Variants in PREX1 observed in about 807,000 individuals in gnomAD.
PREX1 encodes phosphatidylinositol 3,4,5-trisphosphate-dependent Rac exchanger 1 protein.
A neutral mutation model predicts 198.3 loss-of-function variants in PREX1; 41 were observed. The observed-to-expected ratio is 0.21, with a 90% CI of 0.16 to 0.27. The LOEUF (loss-of-function observed/expected upper bound fraction) is 0.27, where lower values mean the gene tolerates loss of function less well. Among genes scored for constraint, PREX1 ranks in the 10% least tolerant of loss-of-function variants. PREX1 has a pLI of 1.00. For missense variants in PREX1, 1,620 were observed against 2,200.7 expected, an observed-to-expected ratio of 0.74 and a Z score of 5.28; for synonymous variants, 843 against 887.2, an observed-to-expected ratio of 0.95 and a Z score of 0.89.
chr20:48,632,222 A>G (rs1338240684), intron 35 of PREX1, 55 bp downstream of exon 35: 2 of 1,545,972 alleles, frequency 1.3e-6, no homozygotes, highest in African/African-American at 1.4e-5. Flanking sequence ...GCTAATGCCC[A>G]CTCCACGTGG....
chr20:48,690,879 G>GC, intron 9 of PREX1, 68 bp downstream of exon 9: 1 of 1,601,176 alleles, frequency 6.2e-7, no homozygotes, highest in Non-Finnish European at 8.5e-7. Context: ...CCTAGACACA[G>GC]CCCCCACTCA....
the PREX1 span, among the ~76,000 whole-genome samples, chr20:48,840,719 C>T: frequency 6.6e-6 from 1 of 152,218 alleles, no homozygotes; most frequent in Non-Finnish European, 1.5e-5. Flanking sequence ...TTGGCACAGC[C>T]TTTAAGGCTG....
chr20:48,828,128 G>A (rs567238947), upstream of PREX1, among the ~76,000 whole-genome samples: 88 of 149,758 alleles, frequency 5.9e-4, no homozygotes, highest in East Asian at 0.014. Flanking sequence ...TCTGCCAAGT[G>A]CCACGCCGCG....
At chr20:48,869,212 C>T in the PREX1 span, among the ~76,000 whole-genome samples, 7 of 152,052 alleles carry the variant, frequency 4.6e-5, no homozygotes, top group African/African-American at 1.7e-4. Context: ...TATATGTATC[C>T]TCATTATTTT....
chr20:48,743,920 G>A (rs2090094475), intron 3 of PREX1, among the ~76,000 whole-genome samples: 1 of 152,136 alleles, frequency 6.6e-6, no homozygotes, highest in South Asian at 2.1e-4. Flanking sequence ...GCCCTCTGAG[G>A]GCAAAGTCAC....
rs1175214963 is a variant in PREX1, at chr20:48,806,241, A to G, written c.219+21401T>C. Among the ~76,000 whole-genome samples, 4 of 152,310 alleles carry G rather than the reference A, an allele frequency of 2.6e-5. No homozygotes were observed. The East Asian group carries it at 7.7e-4, about 29-fold the overall frequency. On this transcript the variant is annotated intron_variant, in intron 1 of 39. Transcript: ENST00000371941. ...ACTGTTCTAAGCCCACCAGAACATC[A>G]GCTCCAGGAGGACAAAGATCTTTGT...
chr20:48,777,774 G>A (rs185807891), intron 1 of PREX1, among the ~76,000 whole-genome samples: 4 of 152,308 alleles, frequency 2.6e-5, no homozygotes, highest in East Asian at 1.9e-4. Context: ...AAAGACCTGC[G>A]GAGAGGCTGT....
chr20:48,866,086 C>T, the PREX1 span, among the ~76,000 whole-genome samples: 1 of 151,968 alleles, frequency 6.6e-6, no homozygotes, highest in Non-Finnish European at 1.5e-5. Context: ...GAAGCTGGGA[C>T]TACAAGTGTG....
intron 1 of PREX1, among the ~76,000 whole-genome samples, chr20:48,790,708 A>T (rs575575428): frequency 6.6e-6 from 1 of 152,130 alleles, no homozygotes; most frequent in Non-Finnish European, 1.5e-5. Flanking sequence ...GCCCTAGAGG[A>T]AGCCTGGCTG....
intron 1 of PREX1, among the ~76,000 whole-genome samples, chr20:48,822,379 C>T (rs2090490027): frequency 6.6e-6 from 1 of 152,238 alleles, no homozygotes. Flanking sequence ...GCCGCATTAC[C>T]TGGGTCCAAG....
intron 15 of PREX1, 130 bp from the exon 16 acceptor site, chr20:48,660,191 A>T: frequency 9.2e-7 from 1 of 1,091,332 alleles, no homozygotes; most frequent in Non-Finnish European, 1.3e-6. Context: ...TATTCTATTA[A>T]AATGGAATCA....
intron 4 of PREX1, among the ~76,000 whole-genome samples, chr20:48,730,413 CCACA>C (rs71827793): frequency 0.071 from 10,456 of 146,572 alleles, 406 homozygotes; most frequent in Middle Eastern, 0.14. Flanking sequence ...GCAAAAGCCA[CCACA>C]CACACACACA....
intron 3 of PREX1, among the ~76,000 whole-genome samples, chr20:48,739,745 T>C (rs1220812005): frequency 6.6e-6 from 1 of 151,824 alleles, no homozygotes; most frequent in Non-Finnish European, 1.5e-5. Flanking sequence ...CACATAAGAG[T>C]AAAAAACACA....
upstream of PREX1, among the ~76,000 whole-genome samples, chr20:48,829,001 G>C (rs754163410): frequency 1.3e-5 from 2 of 152,146 alleles, no homozygotes; most frequent in Non-Finnish European, 2.9e-5. Flanking sequence ...CCTTGGGCTG[G>C]TTTCCTTGCT....
the PREX1 span, among the ~76,000 whole-genome samples, chr20:48,839,691 A>T: frequency 6.6e-6 from 1 of 152,198 alleles, no homozygotes; most frequent in African/African-American, 2.4e-5. Flanking sequence ...GTGGAGCCCC[A>T]TAACTGAGTT....
rs534316743 is a variant in PREX1, at chr20:48,711,230, T to C, written c.622-2809A>G. ...CCAGGCTCCAGTGTACCTGGCCCCA[T>C]GTTGGGCTCTCTGTTGTACACAGAT... On this transcript the variant is annotated intron_variant, in intron 5 of 39. Transcript: ENST00000371941. Among the ~76,000 whole-genome samples the C allele has an allele frequency of 9.8e-4, 149 of 152,270 alleles. 1 individual carries two copies. The highest frequency in any genetic ancestry group is 3.3e-3 in the African/African-American group (139 of 41,548).
At chr20:48,860,607 G>A in the PREX1 span, among the ~76,000 whole-genome samples, 9 of 152,294 alleles carry the variant, frequency 5.9e-5, no homozygotes, top group Non-Finnish European at 8.8e-5. Context: ...TTGGGACCCC[G>A]AGGCGGGTGG....
At chr20:48,675,522 A>T (rs1214038165) in intron 14 of PREX1, among the ~76,000 whole-genome samples, 1 of 152,232 alleles carries the variant, frequency 6.6e-6, no homozygotes, top group East Asian at 1.9e-4. Context: ...CAGGCACAAA[A>T]GGACAAATAC....
chr20:48,841,759 C>T, the PREX1 span, among the ~76,000 whole-genome samples: 2 of 152,212 alleles, frequency 1.3e-5, no homozygotes, highest in Admixed American at 6.5e-5. Flanking sequence ...CATTCTTTGT[C>T]CTTCAGCTGT....
Sources: allele counts gnomAD v4.1 joint callset (sites outside exome capture counted in the v4.1 genomes callset), GRCh38; gene constraint gnomAD v4.1.1; transcripts MANE v1.5; gene names NCBI Gene and HGNC (gene_info 2026-07-23, HGNC 2026-07-21).